RANBP2: variants seen among roughly 807,000 people sequenced by gnomAD.
RANBP2 encodes RAN binding protein 2, also known as E3 SUMO-protein ligase RanBP2.
Under a neutral mutation model 303.6 loss-of-function variants are expected in RANBP2, and 57 were observed. The observed-to-expected ratio is 0.19, with a 90% confidence interval of 0.15 to 0.23. RANBP2 has a LOEUF of 0.23. Ranked by LOEUF, RANBP2 falls within the 10% of genes least tolerant of loss-of-function variation. The probability of loss-of-function intolerance (pLI) is 1.00; values close to 1 mark genes in which losing one functional copy is unlikely to be tolerated. For missense variants in RANBP2, 3,138 were observed against 3,780.8 expected (o/e 0.83, Z 4.46); for synonymous variants, 1,167 against 1,301.5 (o/e 0.90, Z 2.23).
At chr2:109,002,007 G>A in the RANBP2 span, among the ~76,000 whole-genome samples, 2 of 152,220 alleles carry the variant, frequency 1.3e-5, no homozygotes, top group East Asian at 3.9e-4. Flanking sequence ...TGGGATTACA[G>A]GCATGAGCCA....
the RANBP2 span, among the ~76,000 whole-genome samples, chr2:109,322,558 C>T: frequency 5.7e-3 from 875 of 152,328 alleles, 9 homozygotes; most frequent in African/African-American, 0.02. Flanking sequence ...ATAGTGTGCA[C>T]TGATTTTGAG....
the RANBP2 span, among the ~76,000 whole-genome samples, chr2:108,911,636 T>C: frequency 8.5e-5 from 13 of 152,150 alleles, no homozygotes; most frequent in African/African-American, 3.1e-4. Context: ...CCCGGGGGAT[T>C]TTGCTCAGTT....
the RANBP2 span, among the ~76,000 whole-genome samples, chr2:109,653,168 G>A: frequency 2.0e-5 from 3 of 151,988 alleles, no homozygotes; most frequent in Non-Finnish European, 2.9e-5. Context: ...AGGCTGAGGC[G>A]GGTGGATCAT....
chr2:109,514,107 A>T, the RANBP2 span, among the ~76,000 whole-genome samples: 2 of 152,144 alleles, frequency 1.3e-5, no homozygotes, highest in African/African-American at 2.4e-5. Flanking sequence ...AGCCTGGTTT[A>T]TGTTGCTCCA....
chr2:108,802,536 C>T, the RANBP2 span, among the ~76,000 whole-genome samples: 8 of 146,160 alleles, frequency 5.5e-5, no homozygotes, highest in Admixed American at 2.1e-4. Context: ...TGGGCTGAGA[C>T]GATAGGGTTT....
the RANBP2 span, chr2:109,432,482 C>A: frequency 6.2e-7 from 1 of 1,612,150 alleles, no homozygotes; most frequent in African/African-American, 1.3e-5. Context: ...CTGACACTGG[C>A]CCCATGCTTT....
the RANBP2 span, among the ~76,000 whole-genome samples, chr2:109,635,108 TAA>T: frequency 6.5e-3 from 962 of 146,998 alleles, 4 homozygotes; most frequent in Non-Finnish European, 0.011. Context: ...ACTCCAGTGT[TAA>T]AAAAAAAAAA....
chr2:109,417,424 AAG>A, the RANBP2 span, among the ~76,000 whole-genome samples: 17 of 152,078 alleles, frequency 1.1e-4, no homozygotes, highest in African/African-American at 3.6e-4. Flanking sequence ...GGGCAGACAG[AAG>A]ACCCTGGAAT....
chr2:109,159,833 G>A, the RANBP2 span, among the ~76,000 whole-genome samples: 2 of 152,324 alleles, frequency 1.3e-5, no homozygotes, highest in South Asian at 4.1e-4. Flanking sequence ...AACGCCTCAT[G>A]ATCTGTCACT....
the RANBP2 span, among the ~76,000 whole-genome samples, chr2:109,285,420 C>T: frequency 2.6e-5 from 4 of 152,214 alleles, no homozygotes; most frequent in South Asian, 4.1e-4. Flanking sequence ...AGGCACAAAC[C>T]GCTGATTCTC....
the RANBP2 span, among the ~76,000 whole-genome samples, chr2:108,952,013 A>C: frequency 6.6e-6 from 1 of 152,276 alleles, no homozygotes; most frequent in Non-Finnish European, 1.5e-5. Context: ...ATTTTCACAA[A>C]GAAGCAAAAG....
chr2:109,422,838 G>A, the RANBP2 span, among the ~76,000 whole-genome samples: 9 of 152,202 alleles, frequency 5.9e-5, no homozygotes, highest in South Asian at 4.1e-4. Flanking sequence ...GTGAAGGACC[G>A]GAGGAGGCAG....
chr2:109,187,081 G>C, the RANBP2 span, among the ~76,000 whole-genome samples: 1 of 150,006 alleles, frequency 6.7e-6, no homozygotes, highest in Non-Finnish European at 1.5e-5. Flanking sequence ...AGCATATTTT[G>C]CTAGCATCAT....
chr2:109,300,498 C>G, the RANBP2 span, among the ~76,000 whole-genome samples: 2 of 152,092 alleles, frequency 1.3e-5, no homozygotes, highest in African/African-American at 2.4e-5. Context: ...AGTTTTTATA[C>G]CAGGTAAGCC....
At chr2:109,227,888 G>A in the RANBP2 span, among the ~76,000 whole-genome samples, 1 of 152,236 alleles carries the variant, frequency 6.6e-6, no homozygotes, top group East Asian at 1.9e-4. Context: ...TGCAACTGCA[G>A]TTCCCTGTAG....
At chr2:109,731,196 T>C in the RANBP2 span, among the ~76,000 whole-genome samples, 13 of 152,196 alleles carry the variant, frequency 8.5e-5, no homozygotes, top group Admixed American at 2.6e-4. Context: ...ATATGAGTTT[T>C]TGGGGACACA....
chr2:109,665,373 G>T, the RANBP2 span: 1 of 123,934 alleles, frequency 8.1e-6, no homozygotes, highest in Admixed American at 8.9e-5. Flanking sequence ...AAACAGTTTC[G>T]CTCTCGTTGC....
At chr2:109,629,060 G>T in the RANBP2 span, among the ~76,000 whole-genome samples, 1 of 151,456 alleles carries the variant, frequency 6.6e-6, no homozygotes, top group African/African-American at 2.4e-5. Context: ...AAATTTGCTG[G>T]GCCTGGTGGT....
At chr2:108,919,899 G>A in the RANBP2 span, among the ~76,000 whole-genome samples, 1 of 152,240 alleles carries the variant, frequency 6.6e-6, no homozygotes, top group Admixed American at 6.5e-5. Context: ...TGGAGCTTCA[G>A]GCCATCTCTG....
Sources: allele counts gnomAD v4.1 joint callset (sites outside exome capture counted in the v4.1 genomes callset), GRCh38; gene constraint gnomAD v4.1.1; transcripts MANE v1.5; gene names NCBI Gene and HGNC (gene_info 2026-07-23, HGNC 2026-07-21).